The following MTHFD2L variants were observed in gnomAD, a reference collection of about 807,000 sequenced individuals.
MTHFD2L encodes the protein bifunctional methylenetetrahydrofolate dehydrogenase/cyclohydrolase 2, mitochondrial.
In MTHFD2L, 29 loss-of-function variants were observed where a neutral mutation model predicts 34.9. That is an observed-to-expected ratio of 0.83 (90% CI 0.62 to 1.13). MTHFD2L has a LOEUF of 1.13. MTHFD2L is among the 50% of genes most tolerant of loss of function. The probability of loss-of-function intolerance (pLI) is 0.00; values close to 1 mark genes in which losing one functional copy is unlikely to be tolerated. For synonymous variants in MTHFD2L, 167 were observed against 155.7 expected (o/e 1.07, Z -0.54); for missense variants, 481 against 446.5 (o/e 1.08, Z -0.70).
chr4:74,260,230 T>C (rs1284376051), intron 6 of MTHFD2L, among the ~76,000 whole-genome samples: 1 of 152,170 alleles, frequency 6.6e-6, no homozygotes, highest in African/African-American at 2.4e-5. Context: ...TTGGAGCCAG[T>C]TGGGGCCAGG....
chr4:74,158,440 C>G (rs541636354), intron 1 of MTHFD2L, 159 bp downstream of exon 1: 26 of 430,152 alleles, frequency 6.0e-5, no homozygotes, highest in Non-Finnish European at 7.2e-5. Context: ...CCTTGCCGGT[C>G]GCGCGGGCGA....
chr4:74,167,189 C>T (rs1726901565), intron 1 of MTHFD2L, among the ~76,000 whole-genome samples: 1 of 152,220 alleles, frequency 6.6e-6, no homozygotes, highest in African/African-American at 2.4e-5. Flanking sequence ...ACCTGCTGAC[C>T]TAGGCATCAC....
intron 6 of MTHFD2L, among the ~76,000 whole-genome samples, chr4:74,229,835 G>A (rs1739734704): frequency 6.6e-6 from 1 of 152,158 alleles, no homozygotes; most frequent in Admixed American, 6.5e-5. Context: ...AAATCTCTGA[G>A]TTCACAGAGA....
At chr4:74,210,595 C>A (rs1394661457) in intron 5 of MTHFD2L, among the ~76,000 whole-genome samples, 1 of 152,114 alleles carries the variant, frequency 6.6e-6, no homozygotes, top group East Asian at 1.9e-4. Flanking sequence ...ATTACTGTGG[C>A]CTTGTAGTAT....
chr4:74,268,671 A>T (rs1216982088), intron 6 of MTHFD2L, among the ~76,000 whole-genome samples: 1 of 152,212 alleles, frequency 6.6e-6, no homozygotes, highest in Non-Finnish European at 1.5e-5. Flanking sequence ...GAAGAGTTAC[A>T]GATGACTATG....
intron 5 of MTHFD2L, among the ~76,000 whole-genome samples, chr4:74,218,932 G>C (rs1472692986): frequency 6.6e-6 from 1 of 151,222 alleles, no homozygotes; most frequent in African/African-American, 2.4e-5. Flanking sequence ...CCACATCTGT[G>C]GATTCAACTA....
intron 6 of MTHFD2L, among the ~76,000 whole-genome samples, chr4:74,258,216 T>C (rs1744263579): frequency 6.6e-6 from 1 of 152,162 alleles, no homozygotes; most frequent in African/African-American, 2.4e-5. Flanking sequence ...TAACTAGTAA[T>C]CACCCTTCTA....
intron 1 of MTHFD2L, among the ~76,000 whole-genome samples, chr4:74,171,668 T>C (rs1728022143): frequency 6.6e-6 from 1 of 152,048 alleles, no homozygotes; most frequent in Admixed American, 6.6e-5. Context: ...TCAGGCATGG[T>C]GGCATATGTC....
chr4:74,148,521 G>A (rs970315482), intron 1 of MTHFD2L, among the ~76,000 whole-genome samples: 1 of 151,902 alleles, frequency 6.6e-6, no homozygotes, highest in Admixed American at 6.6e-5. Flanking sequence ...CCCAGTAGCT[G>A]AGACTACAGG....
chr4:74,149,790 A>T (rs572191644), intron 1 of MTHFD2L, among the ~76,000 whole-genome samples: 1 of 152,320 alleles, frequency 6.6e-6, no homozygotes, highest in South Asian at 2.1e-4. Flanking sequence ...GTGTTGTGGT[A>T]GGTAGAAGAG....
At chr4:74,218,226 T>A (rs1006190537) in intron 5 of MTHFD2L, among the ~76,000 whole-genome samples, 1 of 152,138 alleles carries the variant, frequency 6.6e-6, no homozygotes, top group Admixed American at 6.6e-5. Context: ...TGTGAAATCT[T>A]TCTATAAGTA....
At chr4:74,188,049 G>T (rs1284485226) in intron 3 of MTHFD2L, among the ~76,000 whole-genome samples, 1 of 152,130 alleles carries the variant, frequency 6.6e-6, no homozygotes, top group Non-Finnish European at 1.5e-5. Flanking sequence ...ACAAAATATT[G>T]ATGCATATTA....
At chr4:74,191,631 ACCT>A (rs1236863284) in intron 3 of MTHFD2L, among the ~76,000 whole-genome samples, 2 of 151,946 alleles carry the variant, frequency 1.3e-5, no homozygotes, top group Admixed American at 1.3e-4. Context: ...GCTCACTGCA[ACCT>A]TCGCTTCCCG....
intron 2 of MTHFD2L, among the ~76,000 whole-genome samples, chr4:74,114,900 G>A (rs1298096037): frequency 6.6e-6 from 1 of 152,130 alleles, no homozygotes; most frequent in Non-Finnish European, 1.5e-5. Flanking sequence ...ACCTCAAAAA[G>A]AAGGATTATT....
At chr4:74,126,254 T>C (rs1456096311) in intron 1 of MTHFD2L, among the ~76,000 whole-genome samples, 1 of 152,182 alleles carries the variant, frequency 6.6e-6, no homozygotes, top group Non-Finnish European at 1.5e-5. Flanking sequence ...CTAAGGCATA[T>C]TTCTAGTCAC....
chr4:74,158,078 G>A, upstream of MTHFD2L: 1 of 1,532,322 alleles, frequency 6.5e-7, no homozygotes, highest in South Asian at 1.2e-5. Flanking sequence ...CAGGCCTCCA[G>A]CCGCGAGGAC....
intron 5 of MTHFD2L, among the ~76,000 whole-genome samples, chr4:74,220,951 A>C (rs775337183): frequency 5.3e-5 from 8 of 150,776 alleles, no homozygotes; most frequent in African/African-American, 1.2e-4. Flanking sequence ...TAATTTGTCC[A>C]CAATTTTTTT....
chr4:74,124,921 G>A (rs1721965743), upstream of MTHFD2L, among the ~76,000 whole-genome samples: 1 of 151,770 alleles, frequency 6.6e-6, no homozygotes, highest in Admixed American at 6.6e-5. Context: ...GGTGCTGAGA[G>A]TACAATGGTA....
chr4:74,249,715 T>G (rs1013760894), intron 6 of MTHFD2L, among the ~76,000 whole-genome samples: 2 of 152,160 alleles, frequency 1.3e-5, no homozygotes, highest in African/African-American at 4.8e-5. Flanking sequence ...GTCTGTAAAG[T>G]ATTTTATTTC....
Sources: allele counts gnomAD v4.1 joint callset (sites outside exome capture counted in the v4.1 genomes callset), GRCh38; gene constraint gnomAD v4.1.1; transcripts MANE v1.5; gene names NCBI Gene and HGNC (gene_info 2026-07-23, HGNC 2026-07-21).